The following OCA2 variants were observed in gnomAD, a reference collection of about 807,000 sequenced individuals.
OCA2 encodes OCA2 melanosomal transmembrane protein.
A neutral mutation model predicts 100.2 loss-of-function variants in OCA2; 77 were observed. The observed-to-expected ratio is 0.77, with a 90% CI of 0.64 to 0.93. OCA2 has a LOEUF of 0.93. Among genes scored for constraint, OCA2 ranks in the 40% least tolerant of loss-of-function variants. The probability of loss-of-function intolerance (pLI) is 0.00; values close to 1 mark genes in which losing one functional copy is unlikely to be tolerated. For missense variants in OCA2, 1,062 were observed against 1,089.1 expected, an observed-to-expected ratio of 0.98 and a Z score of 0.35; for synonymous variants, 432 against 439.2, an observed-to-expected ratio of 0.98 and a Z score of 0.21.
intron 19 of OCA2, among the ~76,000 whole-genome samples, chr15:27,905,896 A>G (rs2038159215): frequency 6.6e-6 from 1 of 152,250 alleles, no homozygotes; most frequent in Non-Finnish European, 1.5e-5. Context: ...CCACACTTCA[A>G]AATGAATTCG....
the OCA2 span, among the ~76,000 whole-genome samples, chr15:27,744,687 C>T: frequency 1.3e-5 from 2 of 152,124 alleles, no homozygotes; most frequent in South Asian, 2.1e-4. Flanking sequence ...TCCTGCTGTT[C>T]GACTTATGAT....
intron 9 of OCA2, among the ~76,000 whole-genome samples, chr15:28,013,312 T>C (rs1486891392): frequency 6.6e-6 from 1 of 152,122 alleles, no homozygotes. Context: ...ATTTGTCAAC[T>C]AGATGGTGGC....
chr15:28,097,439 A>G (rs970141254), intron 1 of OCA2, among the ~76,000 whole-genome samples: 1 of 152,200 alleles, frequency 6.6e-6, no homozygotes, highest in African/African-American at 2.4e-5. Context: ...CAGCATATGG[A>G]GAATGCCACA....
chr15:27,801,096 C>G (rs2033585810), intron 23 of OCA2, among the ~76,000 whole-genome samples: 1 of 152,140 alleles, frequency 6.6e-6, no homozygotes, highest in Non-Finnish European at 1.5e-5. Context: ...ACAAACTCTT[C>G]CTGAAAACTG....
chr15:27,811,039 G>T lies in OCA2; in HGVS notation c.2432+33920C>A, dbSNP rs143646203. Among the ~76,000 whole-genome samples, 651 of 126,322 alleles carry T rather than the reference G, an allele frequency of 5.2e-3. 5 individuals carry two copies. Among genetic ancestry groups the T allele is most frequent in the African/African-American group, 0.02 (620 of 30,782 alleles). 82.9% of individuals were successfully genotyped at this position (126,322 alleles called of 152,430 possible). A position where few individuals can be genotyped will look rare whatever the true frequency, so the allele number is the denominator to read the frequency against. Reference sequence around the variant, plus strand: ...TACTGAGTATCTACCCAAAGGCAAAGAAGTCATTATATGAAAAAGACACCG... The same window carrying T: ...TACTGAGTATCTACCCAAAGGCAAATAAGTCATTATATGAAAAAGACACCG... On this transcript the variant is annotated intron_variant, in intron 23 of 23. Coordinates refer to ENST00000354638, the MANE Select transcript of OCA2 (RefSeq NM_000275.3).
chr15:28,017,469 T>G (rs1457288676), intron 7 of OCA2, among the ~76,000 whole-genome samples: 6 of 152,160 alleles, frequency 3.9e-5, no homozygotes, highest in African/African-American at 1.4e-4. Flanking sequence ...CAAAGGTCAT[T>G]GCTCATCACC....
intron 19 of OCA2, among the ~76,000 whole-genome samples, chr15:27,878,890 GA>G (rs2036897342): frequency 6.6e-6 from 1 of 151,968 alleles, no homozygotes; most frequent in South Asian, 2.1e-4. Context: ...ACATGTGCAG[GA>G]AGTATAGGTT....
At chr15:27,840,347 A>C (rs1385498530) in intron 23 of OCA2, among the ~76,000 whole-genome samples, 1 of 152,220 alleles carries the variant, frequency 6.6e-6, no homozygotes, top group Non-Finnish European at 1.5e-5. Context: ...ACAAATCCAC[A>C]GATAAGAAAT....
Position 27,851,410 on chromosome 15 carries a change from A to C in OCA2, c.2310T>G (p.Tyr770Ter), listed in dbSNP as rs755111887. ...CCAGGCAAGCACCGAAGGCCAGGGC[A>C]TACATGAGCGGCGGTGCGGGCAGGC... ...EVGLPAPPLM[Y>*]ALAFGACLGG... The change falls in exon 22 of 24, where the codon TAT (tyrosine) becomes TAG (stop). Residue 770 changes from tyrosine to a stop codon, truncating the protein, a stop_gained. Transcript: ENST00000354638. LOFTEE classifies it high-confidence loss of function. 2.5e-6 allele frequency: 4 copies of C among 1,614,062 alleles called. No individual in the cohort carries two copies. Among genetic ancestry groups the C allele is most frequent in the Non-Finnish European group, 3.4e-6 (4 of 1,180,002 alleles).
At chr15:27,913,077 C>T (rs192382774) in intron 19 of OCA2, among the ~76,000 whole-genome samples, 23 of 151,904 alleles carry the variant, frequency 1.5e-4, no homozygotes, top group Non-Finnish European at 2.9e-4. Context: ...AGAATTTAGA[C>T]GAAATTCAAG....
intron 14 of OCA2, among the ~76,000 whole-genome samples, chr15:27,979,585 CTT>C (rs1386341251): frequency 5.3e-5 from 8 of 152,048 alleles, no homozygotes; most frequent in African/African-American, 9.6e-5. Context: ...AGCTGTTACT[CTT>C]TGTTTTTCCT....
At chr15:27,952,743 G>C (rs1261587000) in intron 17 of OCA2, among the ~76,000 whole-genome samples, 4 of 151,940 alleles carry the variant, frequency 2.6e-5, no homozygotes, top group Admixed American at 2.6e-4. Context: ...CAGTGGCACA[G>C]TCTCAGCTCA....
chr15:28,096,805 C>T (rs2044992882), intron 1 of OCA2, among the ~76,000 whole-genome samples: 1 of 152,070 alleles, frequency 6.6e-6, no homozygotes, highest in Non-Finnish European at 1.5e-5. Flanking sequence ...CTCGGGAGGC[C>T]GCGGGTGGGC....
chr15:28,020,932 G>A (rs1405873832), intron 6 of OCA2, among the ~76,000 whole-genome samples: 2 of 152,140 alleles, frequency 1.3e-5, no homozygotes, highest in Non-Finnish European at 2.9e-5. Flanking sequence ...ACTGGCTAAG[G>A]AGAGGGTGTC....
chr15:28,028,673 T>C (rs1244074484), intron 3 of OCA2, among the ~76,000 whole-genome samples: 1 of 152,044 alleles, frequency 6.6e-6, no homozygotes, highest in African/African-American at 2.4e-5. Context: ...TTTGGGATTT[T>C]TGTTGTTGTT....
intron 19 of OCA2, among the ~76,000 whole-genome samples, chr15:27,917,657 C>T (rs2594941): frequency 0.054 from 8,208 of 152,098 alleles, 752 homozygotes; most frequent in African/African-American, 0.19. Context: ...GGTCAGACTG[C>T]TCATAGAGGG....
intron 23 of OCA2, among the ~76,000 whole-genome samples, chr15:27,843,128 G>A (rs1003438712): frequency 6.6e-6 from 1 of 152,198 alleles, no homozygotes; most frequent in Non-Finnish European, 1.5e-5. Flanking sequence ...CATGCTTTTT[G>A]CTCTCTGAAA....
chr15:27,747,219 C>CA, the OCA2 span, among the ~76,000 whole-genome samples: 76 of 152,288 alleles, frequency 5.0e-4, no homozygotes, highest in African/African-American at 1.7e-3. Flanking sequence ...ATGGCTGTGA[C>CA]AGTCACATGG....
At chr15:27,814,857 T>G (rs1264987028) in intron 23 of OCA2, among the ~76,000 whole-genome samples, 1 of 151,744 alleles carries the variant, frequency 6.6e-6, no homozygotes, top group Non-Finnish European at 1.5e-5. Flanking sequence ...CACTCCAGCC[T>G]GGGCAACAGG....
Sources: gnomAD v4.1 joint callset for allele counts (sites outside exome capture counted in the v4.1 genomes callset) on GRCh38, gnomAD v4.1.1 for gene constraint, MANE v1.5 for transcripts, NCBI Gene and HGNC (gene_info 2026-07-23, HGNC 2026-07-21) for gene names.